Variants in RFX3 observed in about 807,000 individuals in gnomAD.
RFX3 encodes the protein transcription factor RFX3.
RFX3 carries 14 observed loss-of-function variants against 98.6 expected under a neutral mutation model. That is an observed-to-expected ratio of 0.14 (90% CI 0.09 to 0.22). The LOEUF (loss-of-function observed/expected upper bound fraction) is 0.22. RFX3 is among the 10% of genes least tolerant of loss of function. The pLI, the probability that RFX3 is intolerant of heterozygous loss-of-function variation, is 1.00. For synonymous variants in RFX3, 383 were observed against 328.4 expected (o/e 1.17, Z -1.80); for missense variants, 639 against 926.9 (o/e 0.69, Z 4.03).
At chr9:3,260,908 C>G (rs1173298889) in intron 13 of RFX3, among the ~76,000 whole-genome samples, 1 of 149,896 alleles carries the variant, frequency 6.7e-6, no homozygotes, top group African/African-American at 2.4e-5. Flanking sequence ...ATATAGATCT[C>G]TCTCTCTATA....
rs1183621891 is a variant in RFX3 at position 3,492,146 on chromosome 9, C to T, written c.-9+33601G>A. The stretch of plus-strand genomic sequence containing the variant: ...GGTAATTAGGTGCTGGAGGATATAA[C>T]GGTGAGCAAAACATGGCTATTCTAC... On this transcript the variant is annotated intron_variant, in intron 1 of 16. Coordinates refer to ENST00000617270, the MANE Select transcript of RFX3 (RefSeq NM_001282116.2). Among the ~76,000 whole-genome samples the T allele has an allele frequency of 2.0e-5, 3 of 152,188 alleles. No homozygotes were observed. The East Asian group carries it at 5.8e-4, about 29-fold the overall frequency.
chr9:3,391,742 C>G (rs967159186), intron 2 of RFX3, among the ~76,000 whole-genome samples: 1 of 152,038 alleles, frequency 6.6e-6, no homozygotes, highest in Admixed American at 6.6e-5. Context: ...TGACAGCAAT[C>G]CAATTTTTGT....
intron 2 of RFX3, among the ~76,000 whole-genome samples, chr9:3,349,793 T>C (rs867131514): frequency 6.6e-6 from 1 of 152,056 alleles, no homozygotes; most frequent in Non-Finnish European, 1.5e-5. Context: ...CTTAACAATA[T>C]AGAATAAATT....
chr9:3,367,455 T>G lies in RFX3; in HGVS notation c.118-20691A>C, dbSNP rs190698061. ...GACAGACACATTACTTTCAGTCTTG[T>G]GAGACATGGAACAGAGAACTCAATC... is the stretch of plus-strand genomic sequence containing the variant. On this transcript the variant is annotated intron_variant, in intron 2 of 16. Transcript: ENST00000617270. Among the ~76,000 whole-genome samples the G allele has an allele frequency of 1.2e-3, 184 of 152,312 alleles. 1 individual carries two copies. The highest frequency in any genetic ancestry group is 4.2e-3 in the African/African-American group (175 of 41,560).
intron 4 of RFX3, among the ~76,000 whole-genome samples, chr9:3,327,604 A>T (rs1423324538): frequency 6.6e-6 from 1 of 151,848 alleles, no homozygotes; most frequent in African/African-American, 2.4e-5. Flanking sequence ...AAATTTTCTT[A>T]TTTAAAAAAA....
intron 1 of RFX3, among the ~76,000 whole-genome samples, chr9:3,507,787 T>C (rs189718280): frequency 5.3e-5 from 8 of 152,120 alleles, no homozygotes; most frequent in Non-Finnish European, 7.4e-5. Flanking sequence ...TATTTACTTT[T>C]TTTATTGTTG....
In RFX3 at chr9:3,257,171, T is replaced by C; in HGVS notation, c.1634A>G (p.Asp545Gly). The C allele has an allele frequency of 6.2e-7, 1 of 1,613,916 alleles. No individual in the cohort carries two copies. The highest frequency in any genetic ancestry group is 8.5e-7 in the Non-Finnish European group (1 of 1,179,960). The change falls in exon 14 of 17, where the codon GAT becomes GGT. Residue 545 changes from aspartate (D) to glycine (G), a missense_variant. Physicochemically the swap from Asp to Gly is moderately conservative, Grantham distance 94. This residue lies in a region of RFX3 where 138 missense variants were observed against 308.9 expected (regional missense o/e 0.45). Transcript: ENST00000617270. The part of the protein sequence containing the change: ...QEQASWVCQC[D>G]DNMVQRLETD... ...TTCTAGTCTCTGAACCATGTTGTCA[T>C]CACACTGGCACACCCAGGAAGCCTG...
At chr9:3,495,754 TG>T (rs1410292501) in intron 1 of RFX3, among the ~76,000 whole-genome samples, 1 of 152,078 alleles carries the variant, frequency 6.6e-6, no homozygotes, top group East Asian at 1.9e-4. Flanking sequence ...AATCTTAGGC[TG>T]GATTTACTCT....
intron 2 of RFX3, among the ~76,000 whole-genome samples, chr9:3,391,066 C>T (rs79855490): frequency 0.031 from 4,759 of 152,226 alleles, 244 homozygotes; most frequent in African/African-American, 0.11. Context: ...GTTGAATCAA[C>T]AGAAGTAACT....
chr9:3,505,451 A>AAATAAAATACTTTATATTTATAT lies in RFX3; in HGVS notation c.-9+20295_-9+20296insATATAAATATAAAGTATTTTATT, dbSNP rs1564187568. On this transcript the variant is annotated intron_variant, in intron 1 of 16. Transcript: ENST00000617270. ...AAAATAAAATATTTTATATTTATAT[A>AAATAAAATACTTTATATTTATAT]AAATATAAAATAAAATATTTTATAT... Among the ~76,000 whole-genome samples, 2 of 24,718 alleles carry AAATAAAATACTTTATATTTATAT rather than the reference A, an allele frequency of 8.1e-5. 1 individual carries two copies. Among genetic ancestry groups the AAATAAAATACTTTATATTTATAT allele is most frequent in the East Asian group, 7.8e-4 (2 of 2,554 alleles). The allele number at this position is 24,718 out of a possible 152,430, so 16.2% of individuals were successfully genotyped here. A position where few individuals can be genotyped will look rare whatever the true frequency, so the allele number is the denominator to read the frequency against.
At chr9:3,378,036 T>G (rs1182202713) in intron 2 of RFX3, among the ~76,000 whole-genome samples, 1 of 152,178 alleles carries the variant, frequency 6.6e-6, no homozygotes, top group African/African-American at 2.4e-5. Context: ...AGATCAAATA[T>G]TTAAGTATCC....
At chr9:3,240,907 C>G (rs1212603533) in intron 15 of RFX3, among the ~76,000 whole-genome samples, 1 of 152,164 alleles carries the variant, frequency 6.6e-6, no homozygotes, top group Non-Finnish European at 1.5e-5. Flanking sequence ...GAATCTTTTT[C>G]TCTGGTTGGG....
chr9:3,292,620 A>G (rs1827531667), intron 6 of RFX3, among the ~76,000 whole-genome samples: 1 of 152,210 alleles, frequency 6.6e-6, no homozygotes. Context: ...CTCTATCCCA[A>G]CAGTTATTTA....
rs550821976 is a variant in RFX3 at position 3,424,425 on chromosome 9, G to A, written c.-8-28829C>T. On this transcript the variant is annotated intron_variant, in intron 1 of 16. Transcript: ENST00000617270. Reference sequence around the variant, plus strand: ...CGCCCAGGCTGGAGTGCAGTGGCGCGATCTCGACTCACTGCAAGCTCCGCC... The same window carrying A: ...CGCCCAGGCTGGAGTGCAGTGGCGCAATCTCGACTCACTGCAAGCTCCGCC... Among the ~76,000 whole-genome samples, 217 of 129,508 alleles carry A rather than the reference G, an allele frequency of 1.7e-3. 1 individual carries two copies. The East Asian group carries it at 0.023, about 14-fold the overall frequency. 85.0% of individuals were successfully genotyped at this position (129,508 alleles called of 152,430 possible). A position where few individuals can be genotyped will look rare whatever the true frequency, so the allele number is the denominator to read the frequency against.
At chr9:3,477,785 G>C (rs555447711) in intron 1 of RFX3, among the ~76,000 whole-genome samples, 1 of 152,112 alleles carries the variant, frequency 6.6e-6, no homozygotes, top group South Asian at 2.1e-4. Context: ...TAATGTCCAT[G>C]TTGGCACAAC....
intron 2 of RFX3, among the ~76,000 whole-genome samples, chr9:3,352,878 A>T (rs115032319): frequency 0.072 from 10,929 of 151,972 alleles, 492 homozygotes; most frequent in African/African-American, 0.12. Context: ...AAGATTAGAA[A>T]TATAAAGACA....
intron 1 of RFX3, among the ~76,000 whole-genome samples, chr9:3,436,400 T>C (rs770320660): frequency 2.0e-5 from 3 of 152,052 alleles, no homozygotes; most frequent in Non-Finnish European, 2.9e-5. Context: ...AAATTTTGAG[T>C]GATCTTCAAG....
intron 1 of RFX3, among the ~76,000 whole-genome samples, chr9:3,474,246 C>T (rs753296259): frequency 3.3e-5 from 5 of 152,140 alleles, no homozygotes; most frequent in Non-Finnish European, 5.9e-5. Context: ...GCCCTTGGTC[C>T]TAGTCACAAA....
At chr9:3,390,419 A>G (rs1840186215) in intron 2 of RFX3, among the ~76,000 whole-genome samples, 1 of 152,178 alleles carries the variant, frequency 6.6e-6, no homozygotes, top group African/African-American at 2.4e-5. Context: ...GACTTGTTGA[A>G]TGGCTTTGAC....
Sources: allele counts gnomAD v4.1 joint callset (sites outside exome capture counted in the v4.1 genomes callset), GRCh38; gene constraint gnomAD v4.1.1; regional missense constraint gnomAD v4.1.1; transcripts MANE v1.5; gene names NCBI Gene and HGNC (gene_info 2026-07-23, HGNC 2026-07-21).